The following MAP4K3 variants were observed in gnomAD, a reference collection of about 807,000 sequenced individuals.
The protein encoded by MAP4K3 is MAPK/ERK kinase kinase kinase 3.
MAP4K3 carries 94 observed loss-of-function variants against 143.5 expected under a neutral mutation model. That is an observed-to-expected ratio of 0.65 (90% confidence interval 0.55 to 0.78). The LOEUF (loss-of-function observed/expected upper bound fraction) is 0.78. Ranked by LOEUF, MAP4K3 falls within the 30% of genes least tolerant of loss-of-function variation. MAP4K3 has a pLI of 0.00. For synonymous variants in MAP4K3, 416 were observed against 347.2 expected, an observed-to-expected ratio of 1.20 and a Z score of -2.20; for missense variants, 1,077 against 1,068.1, an observed-to-expected ratio of 1.01 and a Z score of -0.12.
chr2:39,303,619 A>AC (rs1682590536), intron 15 of MAP4K3, among the ~76,000 whole-genome samples: 1 of 152,108 alleles, frequency 6.6e-6, no homozygotes, highest in African/African-American at 2.4e-5. Flanking sequence ...GCTCCCTGCA[A>AC]CCTCTGCCTT....
intron 13 of MAP4K3, among the ~76,000 whole-genome samples, chr2:39,312,489 T>G (rs866642455): frequency 6.6e-6 from 1 of 152,360 alleles, no homozygotes; most frequent in South Asian, 2.1e-4. Context: ...ATTTCAACTT[T>G]GTATGTAAAT....
intron 2 of MAP4K3, among the ~76,000 whole-genome samples, chr2:39,357,415 T>A (rs1665643059): frequency 6.6e-6 from 1 of 152,250 alleles, no homozygotes; most frequent in African/African-American, 2.4e-5. Flanking sequence ...ATCATAAGTA[T>A]AAGGTCATTG....
chr2:39,412,302 G>T (rs1419648968), intron 1 of MAP4K3, among the ~76,000 whole-genome samples: 1 of 152,126 alleles, frequency 6.6e-6, no homozygotes, highest in African/African-American at 2.4e-5. Flanking sequence ...TCAGCTATAC[G>T]CTGAACAGCT....
chr2:39,315,504 C>T (rs1683085606), intron 12 of MAP4K3, 116 bp from the exon 13 acceptor site: 2 of 627,164 alleles, frequency 3.2e-6, no homozygotes, highest in South Asian at 2.3e-5. Flanking sequence ...GAAAGCAAAA[C>T]AGCACTTTGC....
At position 39,356,246 on chromosome 2, in the gene MAP4K3, T is replaced by C. The variant is rs1410447134; in HGVS notation, c.245+3A>G. On this transcript the variant is annotated splice_donor_region_variant and intron_variant, in intron 3 of 33. Transcript: ENST00000263881. Reference sequence around the variant, plus strand: ...CTTTTCAAAAGGGAAACAAACAGTATACCTGAGATAGCTTCCAAAATAAGC... The same window carrying C: ...CTTTTCAAAAGGGAAACAAACAGTACACCTGAGATAGCTTCCAAAATAAGC... 2 of 1,550,456 alleles carry C rather than the reference T, an allele frequency of 1.3e-6. No individual in the cohort carries two copies. Among genetic ancestry groups the C allele is most frequent in the Non-Finnish European group, 1.8e-6 (2 of 1,133,552 alleles).
At chr2:39,345,438 G>C (rs1404984853) in intron 3 of MAP4K3, among the ~76,000 whole-genome samples, 1 of 152,088 alleles carries the variant, frequency 6.6e-6, no homozygotes, top group African/African-American at 2.4e-5. Context: ...AAAAAGCAGA[G>C]ATGCTTTTAT....
rs557893485 is a variant in MAP4K3, at chr2:39,392,952, T to C, written c.97-14829A>G. Among the ~76,000 whole-genome samples, 155 of 152,318 alleles carry C rather than the reference T, an allele frequency of 1.0e-3. 1 individual carries two copies. The highest frequency in any genetic ancestry group is 3.4e-3 in the African/African-American group (140 of 41,580). ...TCTTTATAAATTACCCAGTCTCAGG[T>C]ATTCCATTATAACAGAATAAAGGGG... On this transcript the variant is annotated intron_variant, in intron 1 of 33. Transcript: ENST00000263881.
chr2:39,312,757 G>T (rs1682983791), intron 13 of MAP4K3, among the ~76,000 whole-genome samples: 1 of 152,184 alleles, frequency 6.6e-6, no homozygotes, highest in Admixed American at 6.5e-5. Context: ...TTTTAGTAAG[G>T]TATCAAAACT....
At chr2:39,426,257 T>G (rs1269795301) in intron 1 of MAP4K3, among the ~76,000 whole-genome samples, 1 of 152,100 alleles carries the variant, frequency 6.6e-6, no homozygotes, top group Non-Finnish European at 1.5e-5. Context: ...TACTCAAAAA[T>G]GTTGGTGTCT....
At chr2:39,321,486 C>T (rs957098492) in intron 12 of MAP4K3, among the ~76,000 whole-genome samples, 1 of 152,138 alleles carries the variant, frequency 6.6e-6, no homozygotes, top group Admixed American at 6.5e-5. Flanking sequence ...CCTAGGAAAG[C>T]CAGGTATTGT....
chr2:39,397,260 G>C (rs1156530284), intron 1 of MAP4K3, among the ~76,000 whole-genome samples: 2 of 152,036 alleles, frequency 1.3e-5, no homozygotes, highest in Non-Finnish European at 2.9e-5. Context: ...TTAAGAATTA[G>C]TGACTACAAA....
chr2:39,280,204 C>A, intron 23 of MAP4K3, 68 bp downstream of exon 23: 4 of 893,694 alleles, frequency 4.5e-6, no homozygotes, highest in East Asian at 2.8e-5. Flanking sequence ...TAAACAAAAT[C>A]ACAAATGCTT....
chr2:39,278,384 A>G, intron 24 of MAP4K3, 23 bp downstream of exon 24: 1 of 1,437,782 alleles, frequency 7.0e-7, no homozygotes, highest in Non-Finnish European at 9.5e-7. Flanking sequence ...TTAAAAAAAA[A>G]AAGAATATAC....
chr2:39,366,531 A>T (rs1439289597), intron 2 of MAP4K3, among the ~76,000 whole-genome samples: 4 of 152,196 alleles, frequency 2.6e-5, no homozygotes, highest in Non-Finnish European at 4.4e-5. Context: ...AATACCAGTC[A>T]GCTTTCCCTG....
chr2:39,398,206 G>C (rs1282400510), intron 1 of MAP4K3, among the ~76,000 whole-genome samples: 1 of 151,996 alleles, frequency 6.6e-6, no homozygotes, highest in African/African-American at 2.4e-5. Context: ...GAAATTGCCT[G>C]TTAATAGCAA....
intron 1 of MAP4K3, among the ~76,000 whole-genome samples, chr2:39,385,556 ATATATATAT>A: frequency 1.2e-4 from 1 of 8,188 alleles, no homozygotes; most frequent in Non-Finnish European, 2.3e-3. Flanking sequence ...TTCTTCATAT[ATATATATAT>A]ATATATATAT....
chr2:39,331,801 G>A (rs1023350221), intron 8 of MAP4K3, 116 bp downstream of exon 8: 29 of 558,428 alleles, frequency 5.2e-5, no homozygotes, highest in Non-Finnish European at 8.3e-5. Flanking sequence ...TACTTTGCCT[G>A]TTGATGACTT....
At chr2:39,277,907 C>G (rs1465291695) in intron 24 of MAP4K3, among the ~76,000 whole-genome samples, 1 of 151,662 alleles carries the variant, frequency 6.6e-6, no homozygotes, top group Non-Finnish European at 1.5e-5. Flanking sequence ...GGTGGGGTGG[C>G]TCATATCTAT....
intron 1 of MAP4K3, among the ~76,000 whole-genome samples, chr2:39,407,682 T>C (rs1667133482): frequency 6.6e-6 from 1 of 152,164 alleles, no homozygotes; most frequent in South Asian, 2.1e-4. Context: ...AGTGATCCTC[T>C]CATCTCAGCC....
Sources: gnomAD v4.1 joint callset for allele counts (sites outside exome capture counted in the v4.1 genomes callset) on GRCh38, gnomAD v4.1.1 for gene constraint, MANE v1.5 for transcripts, NCBI Gene and HGNC (gene_info 2026-07-23, HGNC 2026-07-21) for gene names.